The following CYTH1 variants were observed in gnomAD, a reference collection of about 807,000 sequenced individuals.
The protein encoded by CYTH1 is cytohesin-1.
CYTH1 carries 18 observed loss-of-function variants against 61.8 expected under a neutral mutation model. That is an observed-to-expected ratio of 0.29 (90% CI 0.20 to 0.43). CYTH1 has a LOEUF of 0.43. Ranked by LOEUF, CYTH1 falls within the 20% of genes least tolerant of loss-of-function variation. The probability of loss-of-function intolerance (pLI) is 1.00; values close to 1 mark genes in which losing one functional copy is unlikely to be tolerated. For synonymous variants in CYTH1, 174 were observed against 184.3 expected (o/e 0.94, Z 0.45); for missense variants, 336 against 510.5 (o/e 0.66, Z 3.29).
intron 1 of CYTH1, among the ~76,000 whole-genome samples, chr17:78,761,811 A>C (rs2093430091): frequency 6.6e-6 from 1 of 152,234 alleles, no homozygotes. Flanking sequence ...AATGCTATAC[A>C]CACACATTTA....
At chr17:78,708,069 G>T in intron 3 of CYTH1, 128 bp downstream of exon 3, 1 of 893,658 alleles carries the variant, frequency 1.1e-6, no homozygotes, top group Non-Finnish European at 1.8e-6. Context: ...GGGTGTGTAT[G>T]TGCTTGCTAG....
At chr17:78,772,601 G>C (rs8070399) in intron 1 of CYTH1, among the ~76,000 whole-genome samples, 1 of 152,064 alleles carries the variant, frequency 6.6e-6, no homozygotes, top group African/African-American at 2.4e-5. Flanking sequence ...GCAGTGGCGC[G>C]ATCTCGGCTC....
intron 9 of CYTH1, among the ~76,000 whole-genome samples, 200 bp downstream of exon 9, chr17:78,698,069 A>T (rs963359041): frequency 2.6e-5 from 4 of 152,164 alleles, no homozygotes; most frequent in African/African-American, 9.7e-5. Context: ...AGTCCTCTAT[A>T]AGCCACCCCC....
At chr17:78,683,158 G>A (rs12943128) in intron 11 of CYTH1, among the ~76,000 whole-genome samples, 11,610 of 151,100 alleles carry the variant, frequency 0.077, 867 homozygotes, top group East Asian at 0.19. Flanking sequence ...TTTTTGTTCC[G>A]TGGCTTCATA....
intron 1 of CYTH1, among the ~76,000 whole-genome samples, chr17:78,746,749 C>T (rs911502551): frequency 2.0e-5 from 3 of 152,034 alleles, no homozygotes; most frequent in Non-Finnish European, 4.4e-5. Context: ...CAAGACTAGC[C>T]TAGACAACAT....
At chr17:78,755,981 A>C (rs535457271) in intron 1 of CYTH1, among the ~76,000 whole-genome samples, 1 of 151,960 alleles carries the variant, frequency 6.6e-6, no homozygotes, top group Non-Finnish European at 1.5e-5. Flanking sequence ...CAGGTCAAGA[A>C]AATATTGTGC....
intron 1 of CYTH1, among the ~76,000 whole-genome samples, chr17:78,728,379 C>T (rs940131157): frequency 4.6e-5 from 7 of 152,012 alleles, no homozygotes; most frequent in African/African-American, 1.7e-4. Flanking sequence ...AACCCCATCT[C>T]TACTAAAAAT....
chr17:78,721,770 G>A (rs922620412), intron 1 of CYTH1, among the ~76,000 whole-genome samples: 7 of 152,194 alleles, frequency 4.6e-5, no homozygotes, highest in African/African-American at 1.2e-4. Flanking sequence ...TTGGCTGGGC[G>A]CAGTGGCTCA....
rs141892252 is a variant in CYTH1, at chr17:78,749,665, T to TA, written c.22+32536dup. Among the ~76,000 whole-genome samples, 1,053 of 150,420 alleles carry TA rather than the reference T, an allele frequency of 7.0e-3. 40 individuals carry two copies. The East Asian group carries it at 0.11, about 16-fold the overall frequency. On this transcript the variant is annotated intron_variant, in intron 1 of 13. Transcript: ENST00000446868. ...ATAATAACAAATAAAAATAAAAAAA[T>TA]AAAAAAAAACCTAACTAAGCAGAAA... is the stretch of plus-strand genomic sequence containing the variant.
chr17:78,750,379 A>T (rs1223968285), intron 1 of CYTH1, among the ~76,000 whole-genome samples: 2 of 152,170 alleles, frequency 1.3e-5, no homozygotes, highest in African/African-American at 2.4e-5. Context: ...TGGCCATGCC[A>T]ACTGTGAGAG....
At position 78,695,346 on chromosome 17, in the gene CYTH1, C is replaced by T. The variant is rs78375866; in HGVS notation, c.814+661G>A. Among the ~76,000 whole-genome samples, 234 of 152,276 alleles carry T rather than the reference C, an allele frequency of 1.5e-3. 5 individuals are homozygous for T. In the East Asian group the frequency reaches 0.036, roughly 23 times the overall value. On this transcript the variant is annotated intron_variant, in intron 10 of 13. Coordinates refer to ENST00000446868, the MANE Select transcript of CYTH1 (RefSeq NM_004762.6). Reference sequence around the variant, plus strand: ...TCTCTGATCCCCAGGAAACTAAACACGAGGACTTCAGGGAGGGTTTTTTGG... The same window carrying T: ...TCTCTGATCCCCAGGAAACTAAACATGAGGACTTCAGGGAGGGTTTTTTGG...
At chr17:78,778,658 AAAAG>A (rs1567889979) in intron 1 of CYTH1, among the ~76,000 whole-genome samples, 1 of 151,140 alleles carries the variant, frequency 6.6e-6, no homozygotes, top group South Asian at 2.1e-4. Context: ...AAAAAAAAAA[AAAAG>A]AAAGAAAAAG....
intron 11 of CYTH1, among the ~76,000 whole-genome samples, chr17:78,687,934 G>T (rs774466387): frequency 6.6e-6 from 1 of 152,178 alleles, no homozygotes; most frequent in Non-Finnish European, 1.5e-5. Flanking sequence ...TTTAGAGAGC[G>T]TCTCACTCTG....
intron 1 of CYTH1, among the ~76,000 whole-genome samples, chr17:78,747,159 A>AG (rs2093362583): frequency 6.6e-6 from 1 of 150,742 alleles, no homozygotes; most frequent in Non-Finnish European, 1.5e-5. Context: ...AAAAAAAAAA[A>AG]AAAAAAAAAA....
At chr17:78,727,520 C>T (rs2093272838) in intron 1 of CYTH1, 12 of 330,252 alleles carry the variant, frequency 3.6e-5, no homozygotes, top group South Asian at 2.0e-4. Flanking sequence ...GCTCCCTGTT[C>T]CAGACATCAC....
At chr17:78,725,511 T>C (rs2093261643) in intron 1 of CYTH1, among the ~76,000 whole-genome samples, 1 of 152,178 alleles carries the variant, frequency 6.6e-6, no homozygotes, top group African/African-American at 2.4e-5. Flanking sequence ...ACATCACTGG[T>C]TTTTACACAA....
At chr17:78,781,483 G>A (rs1440358501) in intron 1 of CYTH1, among the ~76,000 whole-genome samples, 1 of 152,156 alleles carries the variant, frequency 6.6e-6, no homozygotes, top group Non-Finnish European at 1.5e-5. Flanking sequence ...TCCCCAGTCA[G>A]GGGAGGAGCG....
intron 1 of CYTH1, among the ~76,000 whole-genome samples, chr17:78,743,050 TA>T (rs1198505885): frequency 1.3e-5 from 2 of 152,158 alleles, no homozygotes; most frequent in African/African-American, 4.8e-5. Context: ...TCCTGTGAGT[TA>T]CTTAAAAGTA....
rs1486243476 is a variant in CYTH1 at position 78,702,115 on chromosome 17, G to T, written c.356+7C>A. Reference sequence around the variant, plus strand: ...CCCTAGCATGCGCATAATCCCCAAGGCCTTACCTCTCCCCTAGGTAGTCGC... The same window carrying T: ...CCCTAGCATGCGCATAATCCCCAAGTCCTTACCTCTCCCCTAGGTAGTCGC... On this transcript the variant is annotated splice_region_variant and intron_variant, in intron 5 of 13. Coordinates refer to ENST00000446868, the MANE Select transcript of CYTH1 (RefSeq NM_004762.6). 3 of 1,603,852 alleles carry T rather than the reference G, an allele frequency of 1.9e-6. No individual in the cohort carries two copies. The highest frequency in any genetic ancestry group is 2.6e-6 in the Non-Finnish European group (3 of 1,170,784).
Sources: allele counts gnomAD v4.1 joint callset (sites outside exome capture counted in the v4.1 genomes callset), GRCh38; gene constraint gnomAD v4.1.1; transcripts MANE v1.5; gene names NCBI Gene and HGNC (gene_info 2026-07-23, HGNC 2026-07-21).